Variants in MMP16 observed in about 807,000 individuals in gnomAD.
MMP16 encodes the protein matrix metalloproteinase-16.
MMP16 carries 12 observed loss-of-function variants against 67.8 expected under a neutral mutation model. That is an observed-to-expected ratio of 0.18 (90% confidence interval 0.11 to 0.29). MMP16 has a LOEUF of 0.29. MMP16 is among the 10% of genes least tolerant of loss of function. The pLI, the probability that MMP16 is intolerant of heterozygous loss-of-function variation, is 1.00. For synonymous variants in MMP16, 249 were observed against 255.9 expected (o/e 0.97, Z 0.26); for missense variants, 475 against 765.7 (o/e 0.62, Z 4.48).
At chr8:88,249,544 T>C (rs1586225901) in intron 1 of MMP16, among the ~76,000 whole-genome samples, 1 of 152,278 alleles carries the variant, frequency 6.6e-6, no homozygotes, top group Non-Finnish European at 1.5e-5. Flanking sequence ...TTGGAGTAAC[T>C]TTCCCACCTT....
intron 1 of MMP16, among the ~76,000 whole-genome samples, chr8:88,221,061 G>A (rs1414069545): frequency 6.6e-6 from 1 of 151,978 alleles, no homozygotes; most frequent in African/African-American, 2.4e-5. Context: ...TAACCAGAAA[G>A]CTTCAGGACT....
chr8:88,152,133 CG>C (rs1379831585), intron 4 of MMP16, among the ~76,000 whole-genome samples: 1 of 36,420 alleles, frequency 2.7e-5, no homozygotes, highest in Non-Finnish European at 4.9e-5. Flanking sequence ...ATACATTCCT[CG>C]ACACATACAC....
At position 88,254,326 on chromosome 8, in the gene MMP16, G is replaced by A. The variant is rs376146142; in HGVS notation, c.133-57020C>T. Among the ~76,000 whole-genome samples, 99 of 152,218 alleles carry A rather than the reference G, an allele frequency of 6.5e-4. 1 individual carries two copies. The highest frequency in any genetic ancestry group is 2.0e-3 in the African/African-American group (84 of 41,530). ...CTATCAGAGAGTGGAGGGTGAGAGG[G>A]AGAGGATCAGGAAAAATAACTAATG... On this transcript the variant is annotated intron_variant, in intron 1 of 9. Transcript: ENST00000286614.
chr8:88,321,066 C>G (rs1241893207), intron 1 of MMP16, among the ~76,000 whole-genome samples: 5 of 152,146 alleles, frequency 3.3e-5, no homozygotes, highest in Non-Finnish European at 1.5e-5. Flanking sequence ...TATATCATTA[C>G]TTAGCATTCT....
At chr8:88,303,210 G>A (rs1480591977) in intron 1 of MMP16, among the ~76,000 whole-genome samples, 2 of 152,180 alleles carry the variant, frequency 1.3e-5, no homozygotes, top group Non-Finnish European at 2.9e-5. Context: ...CAGGGAGCCA[G>A]GCAGCGTCGT....
At chr8:88,051,290 A>G (rs1177346780) in intron 8 of MMP16, among the ~76,000 whole-genome samples, 1 of 152,202 alleles carries the variant, frequency 6.6e-6, no homozygotes, top group Non-Finnish European at 1.5e-5. Context: ...TTATAGATGC[A>G]TTGAGAAGTA....
At chr8:88,117,349 A>G (rs28907640) in intron 5 of MMP16, among the ~76,000 whole-genome samples, 1 of 152,290 alleles carries the variant, frequency 6.6e-6, no homozygotes, top group Non-Finnish European at 1.5e-5. Context: ...GTATTTCTCA[A>G]AAGAGGCTTC....
At chr8:88,236,749 TAAC>T (rs775021236) in intron 1 of MMP16, among the ~76,000 whole-genome samples, 1 of 136,708 alleles carries the variant, frequency 7.3e-6, no homozygotes, top group Non-Finnish European at 1.5e-5. Context: ...CTCTGAAAAA[TAAC>T]AACAACAAAC....
intron 1 of MMP16, among the ~76,000 whole-genome samples, chr8:88,283,429 A>G (rs1247532560): frequency 3.3e-5 from 5 of 152,188 alleles, no homozygotes; most frequent in Non-Finnish European, 1.5e-5. Flanking sequence ...TTCCTTATAT[A>G]GAGTATAAAA....
intron 1 of MMP16, among the ~76,000 whole-genome samples, chr8:88,269,475 T>C (rs1280955335): frequency 6.6e-6 from 1 of 151,828 alleles, no homozygotes; most frequent in Non-Finnish European, 1.5e-5. Context: ...AAGAAGGGAG[T>C]TGAGGGGAAT....
intron 1 of MMP16, among the ~76,000 whole-genome samples, chr8:88,316,954 T>A (rs1471709860): frequency 6.6e-6 from 1 of 152,114 alleles, no homozygotes; most frequent in Non-Finnish European, 1.5e-5. Context: ...TCTGAGGGAA[T>A]TAGAAGTGGA....
chr8:88,074,835 G>T, intron 6 of MMP16, 92 bp from the exon 7 acceptor site: 1 of 1,439,136 alleles, frequency 6.9e-7, no homozygotes, highest in South Asian at 1.3e-5. Context: ...AATCAAGCTG[G>T]TTTCCTTATT....
In MMP16 at chr8:88,033,462, T is replaced by G. The variant is rs1437852012; in HGVS notation, c.*7999A>C. ...AAAATATCTTAAAGATAGGTTACTA[T>G]ACTGATGAAGCAGGCAAGTTTCTCA... On this transcript the variant is annotated 3_prime_UTR_variant, in exon 10 of 10. Transcript: ENST00000286614. 2 of 151,798 alleles carry G rather than the reference T, an allele frequency of 1.3e-5. No homozygotes were observed. The highest frequency in any genetic ancestry group is 1.3e-4 in the Admixed American group (2 of 15,204). 9.4% of individuals were successfully genotyped at this position (151,798 alleles called of 1,614,324 possible).
intron 1 of MMP16, among the ~76,000 whole-genome samples, chr8:88,324,912 C>G (rs1003408721): frequency 3.3e-5 from 5 of 152,032 alleles, no homozygotes; most frequent in Non-Finnish European, 5.9e-5. Context: ...ATAAATCCAA[C>G]CAAAATGAGC....
chr8:88,180,238 G>A (rs1388766644), intron 3 of MMP16, among the ~76,000 whole-genome samples: 5 of 150,986 alleles, frequency 3.3e-5, no homozygotes, highest in African/African-American at 1.2e-4. Context: ...CTGAGATTGC[G>A]CCATTTCACT....
At chr8:88,202,461 G>T (rs1158450800) in intron 1 of MMP16, among the ~76,000 whole-genome samples, 2 of 152,104 alleles carry the variant, frequency 1.3e-5, no homozygotes, top group African/African-American at 4.8e-5. Flanking sequence ...AACGGTAATG[G>T]CTGAGCCCCA....
chr8:88,227,653 T>C (rs568349863), intron 1 of MMP16, among the ~76,000 whole-genome samples: 1 of 152,140 alleles, frequency 6.6e-6, no homozygotes, highest in East Asian at 1.9e-4. Flanking sequence ...AGTATCCTTT[T>C]CCAGGGCTCT....
intron 4 of MMP16, among the ~76,000 whole-genome samples, chr8:88,165,671 G>A (rs934285912): frequency 6.6e-6 from 1 of 152,056 alleles, no homozygotes; most frequent in Non-Finnish European, 1.5e-5. Flanking sequence ...AAACTGGTAT[G>A]CCCCAACTAC....
intron 7 of MMP16, among the ~76,000 whole-genome samples, chr8:88,056,654 G>T (rs1808336978): frequency 6.6e-6 from 1 of 152,084 alleles, no homozygotes; most frequent in Admixed American, 6.6e-5. Context: ...AATCATTCCT[G>T]TATTTTGAGC....
Sources: gnomAD v4.1 joint callset for allele counts (sites outside exome capture counted in the v4.1 genomes callset) on GRCh38, gnomAD v4.1.1 for gene constraint, MANE v1.5 for transcripts, NCBI Gene and HGNC (gene_info 2026-07-23, HGNC 2026-07-21) for gene names.